The following TLR6 variants were observed in gnomAD, a reference collection of about 807,000 sequenced individuals.
TLR6 encodes toll like receptor 6, also known as toll-like receptor 6.
Under a neutral mutation model 16.1 loss-of-function variants are expected in TLR6, and 9 were observed. That is an observed-to-expected ratio of 0.56 (90% CI 0.34 to 0.98). TLR6 has a LOEUF of 0.98. Ranked by LOEUF, TLR6 falls within the 50% of genes least tolerant of loss-of-function variation. TLR6 has a pLI of 0.02. For missense variants in TLR6, 786 were observed against 921.0 expected (o/e 0.85, Z 1.90); for synonymous variants, 340 against 338.6 (o/e 1.00, Z -0.04).
rs770532370 is a variant in TLR6, at chr4:38,827,633, T to C, written c.1841A>G (p.Tyr614Cys). ...GGTCCACTGGCACACCATCCTGAGA[T>C]ACCAGGGCAGATCCAAGTAGATGCA... Residue 614 changes from tyrosine to cysteine, a missense_variant, in exon 2 of 2, where the codon TAT (tyrosine) becomes TGT (cysteine). Physicochemically the swap from Tyr to Cys is radical, Grantham distance 194. Coordinates refer to ENST00000436693, the Ensembl canonical transcript of TLR6. The C allele has an allele frequency of 2.5e-6, 4 of 1,614,242 alleles. No individual in the cohort carries two copies. The highest frequency in any genetic ancestry group is 2.2e-5 in the South Asian group (2 of 91,086).
intron 1 of TLR6, among the ~76,000 whole-genome samples, chr4:38,830,765 T>A (rs5743797): frequency 0.018 from 2,790 of 152,160 alleles, 45 homozygotes; most frequent in African/African-American, 0.047. Context: ...GGGACAGAAT[T>A]TGATTTCTAG....
chr4:38,843,991 T>TC (rs1173911921), intron 1 of TLR6, among the ~76,000 whole-genome samples: 1 of 152,212 alleles, frequency 6.6e-6, no homozygotes, highest in East Asian at 1.9e-4. Context: ...TTCCAACTAG[T>TC]ACTTAATGAG....
intron 1 of TLR6, among the ~76,000 whole-genome samples, chr4:38,830,156 T>C (rs1727757076): frequency 6.6e-6 from 1 of 152,210 alleles, no homozygotes; most frequent in African/African-American, 2.4e-5. Flanking sequence ...AGCAGAGCTG[T>C]GAATAGACTG....
intron 1 of TLR6, among the ~76,000 whole-genome samples, chr4:38,851,582 A>G (rs1384419028): frequency 1.3e-5 from 2 of 152,226 alleles, no homozygotes; most frequent in African/African-American, 4.8e-5. Context: ...AAGCATTCTT[A>G]TACATCAATA....
At chr4:38,860,286 A>G (rs1713167089), upstream of TLR6, among the ~76,000 whole-genome samples, 1 of 152,120 alleles carries the variant, frequency 6.6e-6, no homozygotes, top group Non-Finnish European at 1.5e-5. Flanking sequence ...AGCCTGGGCA[A>G]CATGGTGAAA....
intron 1 of TLR6, among the ~76,000 whole-genome samples, chr4:38,846,449 ACC>A (rs1477786652): frequency 6.6e-6 from 1 of 152,190 alleles, no homozygotes; most frequent in Non-Finnish European, 1.5e-5. Flanking sequence ...TGCAAATAGC[ACC>A]ACTAATGAGA....
At chr4:38,844,115 A>G (rs1579254555) in intron 1 of TLR6, among the ~76,000 whole-genome samples, 1 of 152,146 alleles carries the variant, frequency 6.6e-6, no homozygotes, top group African/African-American at 2.4e-5. Flanking sequence ...ACACTTAGTG[A>G]TGGACACTAC....
At chr4:38,833,026 G>GTGCCACACAGGGTGTGGCACATGCA (rs1298843208) in intron 1 of TLR6, among the ~76,000 whole-genome samples, 2 of 152,068 alleles carry the variant, frequency 1.3e-5, no homozygotes, top group African/African-American at 4.8e-5. Context: ...TGGCAGGGCA[G>GTGCCACACAGGGTGTGGCACATGCA]TGCCACACAG....
intron 1 of TLR6, among the ~76,000 whole-genome samples, chr4:38,840,763 C>T (rs998746820): frequency 2.0e-4 from 30 of 152,194 alleles, no homozygotes; most frequent in Admixed American, 4.6e-4. Flanking sequence ...AACACAGAAG[C>T]ACGGCACTGA....
At chr4:38,828,269 A>C in exon 2 of TLR6, 5 of 1,613,794 alleles carry the variant, frequency 3.1e-6, no homozygotes, top group Non-Finnish European at 4.2e-6. Context: ...CAAAGAAGGC[A>C]TATCCTTCGT....
At chr4:38,838,961 G>T (rs866927973) in intron 1 of TLR6, among the ~76,000 whole-genome samples, 149 of 128,092 alleles carry the variant, frequency 1.2e-3, no homozygotes, top group African/African-American at 4.9e-3. Flanking sequence ...AGGAAGGAAG[G>T]AAGGGGAGGA....
intron 1 of TLR6, among the ~76,000 whole-genome samples, chr4:38,851,714 A>T (rs1712781759): frequency 6.6e-6 from 1 of 152,214 alleles, no homozygotes; most frequent in Non-Finnish European, 1.5e-5. Context: ...AGAACTACAA[A>T]CCACTGCTCA....
intron 1 of TLR6, among the ~76,000 whole-genome samples, chr4:38,851,165 T>C (rs1191722231): frequency 1.3e-5 from 2 of 152,198 alleles, no homozygotes; most frequent in Admixed American, 6.5e-5. Flanking sequence ...AAAAGGCCTT[T>C]GACAAAATTC....
chr4:38,848,561 A>C (rs1211789359), intron 1 of TLR6, among the ~76,000 whole-genome samples: 2 of 152,254 alleles, frequency 1.3e-5, no homozygotes, highest in African/African-American at 4.8e-5. Flanking sequence ...TAGCTAGAAT[A>C]AGCAGTGTAG....
upstream of TLR6, among the ~76,000 whole-genome samples, chr4:38,858,834 AG>A: frequency 9.2e-5 from 2 of 21,768 alleles, no homozygotes; most frequent in South Asian, 8.9e-4. Flanking sequence ...AGAGAGAGGA[AG>A]AAAGAAAGAA....
chr4:38,836,260 G>A (rs891957166), intron 1 of TLR6, among the ~76,000 whole-genome samples: 5 of 151,698 alleles, frequency 3.3e-5, no homozygotes, highest in Non-Finnish European at 7.4e-5. Context: ...AAAGAAAGAA[G>A]ACCAAAATAA....
At chr4:38,841,525 G>C (rs1712262035) in intron 1 of TLR6, among the ~76,000 whole-genome samples, 1 of 152,190 alleles carries the variant, frequency 6.6e-6, no homozygotes, top group South Asian at 2.1e-4. Flanking sequence ...AGGAGACAGA[G>C]GTAGTTGCAG....
the TLR6 span, among the ~76,000 whole-genome samples, chr4:38,862,891 G>A: frequency 2.3e-5 from 3 of 133,022 alleles, no homozygotes; most frequent in Admixed American, 8.4e-5. Context: ...CACTACACCC[G>A]GCCCCCAATC....
chr4:38,862,007 C>T, the TLR6 span, among the ~76,000 whole-genome samples: 61 of 152,352 alleles, frequency 4.0e-4, no homozygotes, highest in Non-Finnish European at 8.4e-4. Flanking sequence ...TGAAAACCAA[C>T]ATTCTCACGC....
Sources: gnomAD v4.1 joint callset for allele counts (sites outside exome capture counted in the v4.1 genomes callset) on GRCh38, gnomAD v4.1.1 for gene constraint, MANE v1.5 for transcripts, NCBI Gene and HGNC (gene_info 2026-07-23, HGNC 2026-07-21) for gene names.